CADM2: variants seen among roughly 807,000 people sequenced by gnomAD.
CADM2 encodes the protein cell adhesion molecule 2, also known as immunoglobulin superfamily member 4D.
Under a neutral mutation model 49.8 loss-of-function variants are expected in CADM2, and 12 were observed. That is an observed-to-expected ratio of 0.24 (90% confidence interval 0.15 to 0.39). The LOEUF is 0.39. CADM2 is among the 10% of genes least tolerant of loss of function. The probability of loss-of-function intolerance (pLI) is 1.00; values close to 1 mark genes in which losing one functional copy is unlikely to be tolerated. For missense variants in CADM2, 378 were observed against 492.3 expected, an observed-to-expected ratio of 0.77 and a Z score of 2.20; for synonymous variants, 214 against 175.4, an observed-to-expected ratio of 1.22 and a Z score of -1.74.
chr3:85,614,679 T>C (rs2063755558), intron 1 of CADM2, among the ~76,000 whole-genome samples: 1 of 151,956 alleles, frequency 6.6e-6, no homozygotes, highest in Non-Finnish European at 1.5e-5. Flanking sequence ...TTGTTCATTA[T>C]TTCTTACGTT....
intron 5 of CADM2, among the ~76,000 whole-genome samples, chr3:85,896,718 C>A (rs927388466): frequency 6.6e-6 from 1 of 152,138 alleles, no homozygotes; most frequent in Non-Finnish European, 1.5e-5. Context: ...TAGGTTCTTG[C>A]CATACATTTT....
At chr3:85,471,432 C>A (rs995563257) in intron 1 of CADM2, among the ~76,000 whole-genome samples, 3 of 152,060 alleles carry the variant, frequency 2.0e-5, no homozygotes, top group Admixed American at 2.0e-4. Flanking sequence ...CAACCATCTG[C>A]CTTGTTAAAA....
intron 1 of CADM2, among the ~76,000 whole-genome samples, chr3:85,575,499 C>T (rs1454454360): frequency 6.6e-6 from 1 of 152,076 alleles, no homozygotes; most frequent in Non-Finnish European, 1.5e-5. Context: ...TGCAGTGAGC[C>T]GAGATGGCAC....
Position 85,201,420 on chromosome 3 carries a change from T to G in CADM2, c.61+241752T>G, listed in dbSNP as rs182573227. ...ATGCTTATGGTCATGTGATACTTTATCAAGTTATAATATTTTGGCTGTTGG... is the reference window on the plus strand; with the variant it reads ...ATGCTTATGGTCATGTGATACTTTAGCAAGTTATAATATTTTGGCTGTTGG... On this transcript the variant is annotated intron_variant, in intron 1 of 9. Coordinates refer to ENST00000383699, the MANE Select transcript of CADM2 (RefSeq NM_001167675.2). 2.1e-3 allele frequency among the ~76,000 whole-genome samples: 314 copies of G among 152,336 alleles called. 1 individual carries two copies. The highest frequency in any genetic ancestry group is 7.1e-3 in the African/African-American group (297 of 41,584).
At chr3:85,370,215 AAATAATAATAATAAT>A (rs142588684) in intron 1 of CADM2, among the ~76,000 whole-genome samples, 22 of 135,166 alleles carry the variant, frequency 1.6e-4, no homozygotes, top group East Asian at 8.8e-4. Context: ...CTCCTTTTCA[AAATAATAATAATAAT>A]AATAATAATA....
intron 3 of CADM2, among the ~76,000 whole-genome samples, chr3:85,836,909 G>T (rs1283116879): frequency 6.6e-6 from 1 of 151,586 alleles, no homozygotes; most frequent in Non-Finnish European, 1.5e-5. Flanking sequence ...AACAGGCAAA[G>T]TTATTTCAGG....
At chr3:85,972,343 GAC>G (rs749614649) in intron 8 of CADM2, among the ~76,000 whole-genome samples, 3 of 151,572 alleles carry the variant, frequency 2.0e-5, no homozygotes, top group Non-Finnish European at 2.9e-5. Context: ...CACCAAAAAA[GAC>G]ACATCTTACC....
At chr3:85,428,411 G>A (rs1287384494) in intron 1 of CADM2, among the ~76,000 whole-genome samples, 1 of 141,648 alleles carries the variant, frequency 7.1e-6, no homozygotes, top group African/African-American at 2.6e-5. Flanking sequence ...ATTCCCCTAT[G>A]GGAATAAGTA....
intron 1 of CADM2, among the ~76,000 whole-genome samples, chr3:85,658,257 G>A (rs1283283157): frequency 6.6e-6 from 1 of 151,950 alleles, no homozygotes; most frequent in African/African-American, 2.4e-5. Context: ...ATGTGAAGAT[G>A]AAGGAAGAGA....
chr3:86,009,945 T>C (rs1291676170), intron 8 of CADM2, among the ~76,000 whole-genome samples: 2 of 151,876 alleles, frequency 1.3e-5, no homozygotes, highest in Non-Finnish European at 2.9e-5. Flanking sequence ...ATATGTTGTG[T>C]TTAGGTAGTA....
intron 1 of CADM2, among the ~76,000 whole-genome samples, chr3:85,262,751 C>A (rs2043039515): frequency 1.3e-5 from 2 of 151,992 alleles, no homozygotes; most frequent in South Asian, 2.1e-4. Context: ...CACAGTTTTG[C>A]CTCCTAAATG....
At chr3:85,718,101 AT>A (rs2107757693) in intron 1 of CADM2, among the ~76,000 whole-genome samples, 1 of 152,230 alleles carries the variant, frequency 6.6e-6, no homozygotes, top group South Asian at 2.1e-4. Flanking sequence ...GTGTCAATAA[AT>A]ATTTCTTACA....
chr3:85,430,829 A>G (rs931814887), intron 1 of CADM2, among the ~76,000 whole-genome samples: 9 of 152,116 alleles, frequency 5.9e-5, no homozygotes, highest in African/African-American at 1.9e-4. Flanking sequence ...GCTGGAAATA[A>G]GCAGAAGGGA....
intron 1 of CADM2, among the ~76,000 whole-genome samples, chr3:85,682,378 G>C (rs148560722): frequency 1.0e-3 from 159 of 152,080 alleles, no homozygotes; most frequent in Middle Eastern, 3.4e-3. Context: ...AATCTACTAG[G>C]TAATTGTCTC....
intron 1 of CADM2, among the ~76,000 whole-genome samples, chr3:85,291,413 G>A (rs927247016): frequency 3.5e-4 from 53 of 150,184 alleles, no homozygotes; most frequent in African/African-American, 1.0e-3. Context: ...GCAGGCCAAC[G>A]TTCAGATTCA....
chr3:85,887,714 G>A (rs1713859693), intron 5 of CADM2, among the ~76,000 whole-genome samples: 1 of 152,102 alleles, frequency 6.6e-6, no homozygotes, highest in Non-Finnish European at 1.5e-5. Flanking sequence ...TCAGGTTACT[G>A]TGTAACCTGA....
intron 1 of CADM2, among the ~76,000 whole-genome samples, chr3:85,552,095 T>G (rs1426450746): frequency 6.6e-6 from 1 of 152,134 alleles, no homozygotes; most frequent in African/African-American, 2.4e-5. Context: ...GGGGCCTGGC[T>G]AAATAAACGT....
At chr3:85,614,034 A>G (rs1303286057) in intron 1 of CADM2, among the ~76,000 whole-genome samples, 1 of 151,708 alleles carries the variant, frequency 6.6e-6, no homozygotes, top group Non-Finnish European at 1.5e-5. Context: ...ATGTACTTGT[A>G]AGAATGTTTG....
chr3:85,197,924 T>C (rs1294775284), intron 1 of CADM2, among the ~76,000 whole-genome samples: 1 of 151,894 alleles, frequency 6.6e-6, no homozygotes, highest in Non-Finnish European at 1.5e-5. Context: ...ATGAAGTCTT[T>C]TGTCTTCAAG....
Sources: allele counts gnomAD v4.1 joint callset (sites outside exome capture counted in the v4.1 genomes callset), GRCh38; gene constraint gnomAD v4.1.1; transcripts MANE v1.5; gene names NCBI Gene and HGNC (gene_info 2026-07-23, HGNC 2026-07-21).